The following HUWE1 variants were observed in gnomAD, a reference collection of about 807,000 sequenced individuals.
HUWE1 encodes HECT, UBA and WWE domain containing E3 ubiquitin protein ligase 1.
In HUWE1, 18 loss-of-function variants were observed where a neutral mutation model predicts 299.4. That is an observed-to-expected ratio of 0.06 (90% CI 0.04 to 0.09). The LOEUF is 0.09. HUWE1 is among the 10% of genes least tolerant of loss of function. The probability of loss-of-function intolerance (pLI) is 1.00; values close to 1 mark genes in which losing one functional copy is unlikely to be tolerated. For missense variants in HUWE1, 1,832 were observed against 3,462.3 expected, an observed-to-expected ratio of 0.53 and a Z score of 11.82; for synonymous variants, 1,317 against 1,286.1, an observed-to-expected ratio of 1.02 and a Z score of -0.51.
intron 3 of HUWE1, among the ~76,000 whole-genome samples, chrX:53,662,204 C>T (rs1354946403): frequency 9.0e-6 from 1 of 110,772 alleles, no homozygotes; most frequent in Non-Finnish European, 1.9e-5. Flanking sequence ...CTTAGGTGAT[C>T]CATATAACAA....
chrX:53,574,002 T>G (rs1406927571), intron 46 of HUWE1, 38 bp from the exon 47 acceptor site: 3 of 1,091,950 alleles, frequency 2.7e-6, no homozygotes, highest in Non-Finnish European at 3.8e-6. Context: ...AATTCCACAC[T>G]GGAACACTGG....
intron 42 of HUWE1, among the ~76,000 whole-genome samples, chrX:53,582,473 T>C (rs1386625465): frequency 8.9e-6 from 1 of 112,284 alleles, no homozygotes; most frequent in Non-Finnish European, 1.9e-5. Context: ...CTGATACCAC[T>C]TTTCTGGCAA....
chrX:53,561,342 T>C (rs1410047179), intron 55 of HUWE1, among the ~76,000 whole-genome samples: 1 of 112,413 alleles, frequency 8.9e-6, no homozygotes, highest in Non-Finnish European at 1.9e-5. Flanking sequence ...AGTGAGTATG[T>C]TCAAATCTGC....
At chrX:53,563,028 C>T (rs1407864886) in intron 52 of HUWE1, 99 bp from the exon 53 acceptor site, 14 of 686,124 alleles carry the variant, frequency 2.0e-5, no homozygotes, top group Non-Finnish European at 2.8e-5. Context: ...CAGATATCCA[C>T]TTTTTTTTGG....
chrX:53,581,495 A>G (rs1367253864), intron 42 of HUWE1, among the ~76,000 whole-genome samples: 1 of 112,590 alleles, frequency 8.9e-6, no homozygotes, highest in Non-Finnish European at 1.9e-5. Flanking sequence ...GTTTGCCTTG[A>G]TAACACAGGG....
chrX:53,657,158 G>C (rs1256532450), intron 3 of HUWE1, among the ~76,000 whole-genome samples: 2 of 112,166 alleles, frequency 1.8e-5, no homozygotes, highest in African/African-American at 6.5e-5. Flanking sequence ...ACAGTGAAAA[G>C]TCAAACAATC....
chrX:53,595,469 A>G, intron 29 of HUWE1, 66 bp from the exon 30 acceptor site: 1 of 853,434 alleles, frequency 1.2e-6, no homozygotes, highest in Non-Finnish European at 1.7e-6. Context: ...CAACAGACAT[A>G]TTACCATTAA....
Position 53,680,131 on chromosome X carries a change from T to A in HUWE1, c.-107A>T, listed in dbSNP as rs981902166. On this transcript the variant is annotated 5_prime_UTR_variant, in exon 3 of 84. Transcript: ENST00000262854. ...AGCTTCCCGAACCTTCCTGACCAAG[T>A]TGGCCTGCTGGTTTCTCTGGATCAC... 1.7e-5 allele frequency: 5 copies of A among 295,732 alleles called. No homozygotes were observed. The allele number at this position is 295,732 out of a possible 1,213,427, so 24.4% of individuals were successfully genotyped here.
At chrX:53,633,443 G>GTA (rs1752872416) in intron 8 of HUWE1, among the ~76,000 whole-genome samples, 1 of 112,204 alleles carries the variant, frequency 8.9e-6, no homozygotes, top group Admixed American at 9.5e-5. Flanking sequence ...CTCACCTACT[G>GTA]TATCACCCAA....
intron 59 of HUWE1, among the ~76,000 whole-genome samples, 155 bp from the exon 60 acceptor site, chrX:53,557,582 C>T: frequency 9.0e-6 from 1 of 111,716 alleles, no homozygotes; most frequent in Non-Finnish European, 1.9e-5. Flanking sequence ...GTGATCATTT[C>T]ACTGTGCAAA....
chrX:53,641,709 A>G (rs1354632410), intron 7 of HUWE1, among the ~76,000 whole-genome samples: 3 of 111,988 alleles, frequency 2.7e-5, no homozygotes, highest in South Asian at 3.7e-4. Flanking sequence ...TTAAAAAATC[A>G]TATGTATCAA....
intron 36 of HUWE1, among the ~76,000 whole-genome samples, chrX:53,589,008 TTTTAA>T (rs2064008349): frequency 8.9e-6 from 1 of 112,784 alleles, no homozygotes; most frequent in African/African-American, 3.2e-5. Context: ...GTTTTCCCTT[TTTTAA>T]TTTCTTTCCC....
rs1474176283 is a variant in HUWE1 at position 53,684,152 on chromosome X, G to A, written c.-163+2118C>T. 3.6e-5 allele frequency: 9 copies of A among 248,395 alleles called. No homozygotes were observed. The South Asian group carries it at 7.8e-4, about 21-fold the overall frequency. 20.5% of individuals were successfully genotyped at this position (248,395 alleles called of 1,213,427 possible). A position where few individuals can be genotyped will look rare whatever the true frequency, so the allele number is the denominator to read the frequency against. On this transcript the variant is annotated intron_variant, in intron 2 of 83. Coordinates refer to ENST00000262854, the MANE Select transcript of HUWE1 (RefSeq NM_031407.7). Reference sequence around the variant, plus strand: ...AAAAGCAAATGACGCACAACCTAACGAAGCAGTGAGGGGCGGAGCCAACCT... The same window carrying A: ...AAAAGCAAATGACGCACAACCTAACAAAGCAGTGAGGGGCGGAGCCAACCT...
chrX:53,685,791 T>G (rs953116658), intron 2 of HUWE1, among the ~76,000 whole-genome samples: 1 of 112,031 alleles, frequency 8.9e-6, no homozygotes, highest in African/African-American at 3.3e-5. Context: ...ATATACACCC[T>G]GACCCAGCGG....
At chrX:53,600,413 C>A in intron 28 of HUWE1, 104 bp from the exon 29 acceptor site, 1 of 608,572 alleles carries the variant, frequency 1.6e-6, no homozygotes, top group South Asian at 2.8e-5. Context: ...GTTACTCTTT[C>A]AATTCCCATG....
chrX:53,546,918 G>T, intron 68 of HUWE1, 93 bp from the exon 69 acceptor site: 1 of 1,073,110 alleles, frequency 9.3e-7, no homozygotes, highest in East Asian at 3.3e-5. Context: ...AATTGCCCAG[G>T]GCTTCAAAAT....
rs781977690 is a variant in HUWE1 at position 53,575,752 on chromosome X, T to C, written c.5921A>G (p.Gln1974Arg). The change falls in exon 45 of 84, where the codon CAA (glutamine) becomes CGA (arginine). Residue 1974 changes from glutamine to arginine, a missense_variant. Gln to Arg is a conservative substitution (Grantham distance 43, BLOSUM62 1). Transcript: ENST00000262854. ...KSDPKPGVMT[Q>R]EVGQLLQDMG... Reference sequence around the variant, plus strand: ...GTCTTGCAGGAGCTGGCCAACCTCTTGGGTCATAACCCCAGGTTTAGGATC... The same window carrying C: ...GTCTTGCAGGAGCTGGCCAACCTCTCGGGTCATAACCCCAGGTTTAGGATC... 2 of 1,211,898 alleles carry C rather than the reference T, an allele frequency of 1.7e-6. No homozygotes were observed. The highest frequency in any genetic ancestry group is 3.5e-5 in the South Asian group (2 of 56,985).
rs1556972106 is a variant in HUWE1 at position 53,585,176 on chromosome X, T to C, written c.4837A>G (p.Asn1613Asp). 1.7e-6 allele frequency: 2 copies of C among 1,212,025 alleles called. No individual in the cohort carries two copies. The highest frequency in any genetic ancestry group is 2.2e-6 in the Non-Finnish European group (2 of 895,369). Residue 1613 changes from asparagine to aspartate, a missense_variant, in exon 40 of 84, where the codon AAC becomes GAC. This residue lies in a region of HUWE1 where 658 missense variants were observed against 1,282.6 expected (regional missense o/e 0.51). Coordinates refer to ENST00000262854, the MANE Select transcript of HUWE1 (RefSeq NM_031407.7). ...TCAAACCAGCGCCAGTTGTTGCTGTTGGATTGCAGGTACTAAACATAAAAG... is the reference window on the plus strand; with the variant it reads ...TCAAACCAGCGCCAGTTGTTGCTGTCGGATTGCAGGTACTAAACATAAAAG... Reference protein sequence around the residue: ...RAQMTKYLQSNSNNWRWFDDR... With the variant: ...RAQMTKYLQSDSNNWRWFDDR...
chrX:53,611,632 C>A (rs1293444062), intron 23 of HUWE1, among the ~76,000 whole-genome samples: 3 of 110,601 alleles, frequency 2.7e-5, no homozygotes, highest in African/African-American at 9.9e-5. Flanking sequence ...TTTGGGAGGC[C>A]GAAGTGGGTG....
Sources: gnomAD v4.1 joint callset for allele counts (sites outside exome capture counted in the v4.1 genomes callset) on GRCh38, gnomAD v4.1.1 for gene constraint, gnomAD v4.1.1 regional missense constraint, MANE v1.5 for transcripts, NCBI Gene and HGNC (gene_info 2026-07-23, HGNC 2026-07-21) for gene names.